The following DAGLA variants were observed in gnomAD, a reference collection of about 807,000 sequenced individuals.
DAGLA encodes diacylglycerol lipase-alpha.
In DAGLA, 22 loss-of-function variants were observed where a neutral mutation model predicts 102.6. The observed-to-expected ratio is 0.21, with a 90% CI of 0.15 to 0.31. The LOEUF is 0.31. Among genes scored for constraint, DAGLA ranks in the 10% least tolerant of loss-of-function variants. The probability of loss-of-function intolerance (pLI) is 1.00; values close to 1 mark genes in which losing one functional copy is unlikely to be tolerated. For synonymous variants in DAGLA, 578 were observed against 628.9 expected, an observed-to-expected ratio of 0.92 and a Z score of 1.21; for missense variants, 927 against 1,446.6, an observed-to-expected ratio of 0.64 and a Z score of 5.83.
chr11:61,741,292 T>A lies in DAGLA; in HGVS notation c.2114T>A (p.Met705Lys). ...CAGCCACTCCCCACGGGGCCGCCCA[T>A]GCCCACTGGCCTTGCCCTGGAGCTG... ...QQQPLPTGPP[M>K]PTGLALELPT... is the part of the protein sequence containing the mutation. Residue 705 changes from methionine to lysine, a missense_variant, in exon 19 of 20, where the codon ATG becomes AAG. Physicochemically the swap from Met to Lys is moderately conservative, Grantham distance 95 (BLOSUM62 -1). Coordinates refer to ENST00000257215, the MANE Select transcript of DAGLA (RefSeq NM_006133.3). 1 of 1,612,742 alleles carries A rather than the reference T, an allele frequency of 6.2e-7. No individual in the cohort carries two copies. The highest frequency in any genetic ancestry group is 8.5e-7 in the Non-Finnish European group (1 of 1,180,008).
intron 1 of DAGLA, among the ~76,000 whole-genome samples, chr11:61,710,936 G>A (rs2065189606): frequency 6.6e-6 from 1 of 152,214 alleles, no homozygotes; most frequent in Non-Finnish European, 1.5e-5. Flanking sequence ...CTGACGCTCA[G>A]TGAAGTGACA....
chr11:61,742,518 G>C (rs571662929), intron 19 of DAGLA, among the ~76,000 whole-genome samples: 40 of 152,276 alleles, frequency 2.6e-4, no homozygotes, highest in Middle Eastern at 3.4e-3. Context: ...GGTGACTGCT[G>C]CAAGCCACCC....
At chr11:61,738,058 C>T in intron 15 of DAGLA, 77 bp from the exon 16 acceptor site, 1 of 1,185,702 alleles carries the variant, frequency 8.4e-7, no homozygotes, top group Non-Finnish European at 1.3e-6. Flanking sequence ...GTGTGCCTGC[C>T]CCTCCGCCCC....
At chr11:61,738,567 G>T (rs2065446860) in intron 16 of DAGLA, among the ~76,000 whole-genome samples, 2 of 152,246 alleles carry the variant, frequency 1.3e-5, no homozygotes. Flanking sequence ...GTGAGGAAAG[G>T]CCTCTGCCGA....
At chr11:61,729,458 C>T (rs946503777) in intron 8 of DAGLA, among the ~76,000 whole-genome samples, 2 of 152,138 alleles carry the variant, frequency 1.3e-5, no homozygotes, top group African/African-American at 4.8e-5. Flanking sequence ...AACCCCAGCC[C>T]AGGGCCCAGC....
chr11:61,716,418 A>G (rs199622105), intron 1 of DAGLA, among the ~76,000 whole-genome samples: 1 of 152,174 alleles, frequency 6.6e-6, no homozygotes, highest in African/African-American at 2.4e-5. Context: ...GATTTCACCC[A>G]TCAGAACTGG....
At chr11:61,697,440 C>T (rs2065075499) in intron 1 of DAGLA, among the ~76,000 whole-genome samples, 1 of 152,136 alleles carries the variant, frequency 6.6e-6, no homozygotes, top group South Asian at 2.1e-4. Flanking sequence ...GTGGCTGAGC[C>T]CCAGGTGGTG....
chr11:61,715,633 G>T (rs1405390413), intron 1 of DAGLA, among the ~76,000 whole-genome samples: 2 of 152,188 alleles, frequency 1.3e-5, no homozygotes, highest in African/African-American at 4.8e-5. Context: ...CACTCATGGT[G>T]GGGGCAGGCT....
chr11:61,736,478 C>T (rs2065423820), intron 13 of DAGLA, 128 bp downstream of exon 13: 3 of 768,070 alleles, frequency 3.9e-6, no homozygotes, highest in Non-Finnish European at 6.6e-6. Context: ...CTCCTGCAAT[C>T]CCTTCCAGCC....
chr11:61,683,054 C>CTGCAGAGCCTGAGT (rs2064957825), intron 1 of DAGLA, among the ~76,000 whole-genome samples: 1 of 152,232 alleles, frequency 6.6e-6, no homozygotes, highest in Non-Finnish European at 1.5e-5. Context: ...CGACAACAAG[C>CTGCAGAGCCTGAGT]TGCAGAGCCT....
chr11:61,738,251 G>C (rs774525780), intron 16 of DAGLA, 44 bp downstream of exon 16: 1 of 1,528,676 alleles, frequency 6.5e-7, no homozygotes, highest in South Asian at 1.1e-5. Flanking sequence ...AGCCTCATCT[G>C]TCCCTGCCCT....
chr11:61,709,557 C>T (rs2065176844), intron 1 of DAGLA, among the ~76,000 whole-genome samples: 1 of 152,206 alleles, frequency 6.6e-6, no homozygotes, highest in Admixed American at 6.5e-5. Flanking sequence ...CTCCCCTCAT[C>T]TGGGGTCCCT....
intron 5 of DAGLA, among the ~76,000 whole-genome samples, chr11:61,725,496 G>GT (rs1264686415): frequency 6.6e-6 from 1 of 152,194 alleles, no homozygotes; most frequent in Admixed American, 6.5e-5. Context: ...ATGTAAGTAT[G>GT]TAAGTGTCTG....
intron 1 of DAGLA, among the ~76,000 whole-genome samples, chr11:61,683,035 C>A (rs1226782153): frequency 6.6e-6 from 1 of 152,204 alleles, no homozygotes; most frequent in African/African-American, 2.4e-5. Context: ...CCACCAGGAG[C>A]CTAATTCCCG....
In DAGLA at chr11:61,734,745, T is replaced by C. The variant is rs2065408708; in HGVS notation, c.975-104T>C. 3 of 1,164,584 alleles carry C rather than the reference T, an allele frequency of 2.6e-6. No individual in the cohort carries two copies. The highest frequency in any genetic ancestry group is 2.8e-5 in the South Asian group (2 of 71,616). 72.1% of individuals were successfully genotyped at this position (1,164,584 alleles called of 1,614,324 possible). A position where few individuals can be genotyped will look rare whatever the true frequency, so the allele number is the denominator to read the frequency against. On this transcript the variant is annotated intron_variant, in intron 9 of 19. Coordinates refer to ENST00000257215, the MANE Select transcript of DAGLA (RefSeq NM_006133.3). The surrounding 1 kb of genome is among the most constrained non-coding windows in gnomAD (Gnocchi z 4.2). ...AGCAAGGGCAATTTGGTAGAGGCAG[T>C]GGGGCTGAATGCCCAACTGGAACTG...
At chr11:61,687,901 C>T (rs913712776) in intron 1 of DAGLA, among the ~76,000 whole-genome samples, 1 of 152,190 alleles carries the variant, frequency 6.6e-6, no homozygotes, top group Non-Finnish European at 1.5e-5. Context: ...AGTCACTTTT[C>T]TTTTGTTAGC....
Position 61,720,850 on chromosome 11 carries a change from G to A in DAGLA, c.267G>A (p.Glu89=). The change falls in exon 3 of 20, where the codon GAG becomes GAA. Residue 89 remains glutamate, a synonymous_variant. Transcript: ENST00000257215. ...TGCGCGGGGGCATCCTCTACACGGA[G>A]CCCCGTGACTCCATGCAGTACGTGC... is the stretch of plus-strand genomic sequence containing the variant. ...LSMRGGILYT[E]PRDSMQYVLY... 5.0e-6 allele frequency: 8 copies of A among 1,613,490 alleles called. No homozygotes were observed. The highest frequency in any genetic ancestry group is 5.1e-6 in the Non-Finnish European group (6 of 1,180,044).
intron 16 of DAGLA, among the ~76,000 whole-genome samples, chr11:61,738,972 C>G (rs1016475656): frequency 6.6e-6 from 1 of 152,216 alleles, no homozygotes; most frequent in Non-Finnish European, 1.5e-5. Flanking sequence ...AGCAGGGCAG[C>G]AAAGCTTTGT....
At chr11:61,696,540 C>A (rs538574880) in intron 1 of DAGLA, among the ~76,000 whole-genome samples, 1 of 151,916 alleles carries the variant, frequency 6.6e-6, no homozygotes, top group East Asian at 1.9e-4. Context: ...GCCATTGATT[C>A]CCTCCATCCC....
Sources: gnomAD v4.1 joint callset for allele counts (sites outside exome capture counted in the v4.1 genomes callset) on GRCh38, gnomAD v4.1.1 for gene constraint, Gnocchi (gnomAD v3.1) non-coding constraint, MANE v1.5 for transcripts, NCBI Gene and HGNC (gene_info 2026-07-23, HGNC 2026-07-21) for gene names.